The following CCDC170 variants were observed in gnomAD, a reference collection of about 807,000 sequenced individuals.
The protein encoded by CCDC170 is coiled-coil domain containing 170.
In CCDC170, 69 loss-of-function variants were observed where a neutral mutation model predicts 72.6. That is an observed-to-expected ratio of 0.95 (90% CI 0.78 to 1.16). The LOEUF (loss-of-function observed/expected upper bound fraction) is 1.16. Among genes scored for constraint, CCDC170 ranks in the 50% most tolerant of loss-of-function variants. The pLI is 0.00. For missense variants in CCDC170, 852 were observed against 832.5 expected (o/e 1.02, Z -0.29); for synonymous variants, 300 against 303.9 (o/e 0.99, Z 0.13).
chr6:151,514,377 A>AAAGGAGGGAGGGAGGG (rs1782202826), intron 1 of CCDC170, among the ~76,000 whole-genome samples: 1 of 104,074 alleles, frequency 9.6e-6, no homozygotes. Context: ...GGGAGGGAGG[A>AAAGGAGGGAGGGAGGG]AGGAAGGAAG....
chr6:151,531,123 T>C (rs6933202), intron 1 of CCDC170, among the ~76,000 whole-genome samples: 137,077 of 152,158 alleles, frequency 0.9, 61,924 homozygotes, highest in East Asian at 0.99. Context: ...GTGTTGTTCC[T>C]CCAATTCATA....
chr6:151,514,158 G>A (rs887887262), intron 1 of CCDC170, among the ~76,000 whole-genome samples: 1 of 151,414 alleles, frequency 6.6e-6, no homozygotes, highest in African/African-American at 2.4e-5. Context: ...AAAATTAGCT[G>A]GGCGTGGTGG....
At chr6:151,598,399 G>T (rs1776655850) in intron 9 of CCDC170, among the ~76,000 whole-genome samples, 1 of 152,158 alleles carries the variant, frequency 6.6e-6, no homozygotes, top group African/African-American at 2.4e-5. Context: ...TGAAACGCAA[G>T]CTGGAGAGCT....
At chr6:151,609,740 G>GGAA (rs1776840859) in intron 9 of CCDC170, among the ~76,000 whole-genome samples, 1 of 152,226 alleles carries the variant, frequency 6.6e-6, no homozygotes, top group Non-Finnish European at 1.5e-5. Flanking sequence ...TCAGGAATCT[G>GGAA]TTGCTGGGTT....
intron 4 of CCDC170, among the ~76,000 whole-genome samples, chr6:151,546,982 T>G (rs1782782271): frequency 7.4e-6 from 1 of 134,366 alleles, no homozygotes; most frequent in African/African-American, 2.9e-5. Flanking sequence ...CGTGAGCAGG[T>G]GCCTGTCTTA....
At chr6:151,552,380 G>T (rs554091156) in intron 5 of CCDC170, among the ~76,000 whole-genome samples, 5 of 152,182 alleles carry the variant, frequency 3.3e-5, no homozygotes, top group African/African-American at 1.2e-4. Context: ...TGTTCCCTCT[G>T]ACTTTACCTA....
chr6:151,575,001 G>A (rs553330735), intron 6 of CCDC170, among the ~76,000 whole-genome samples: 75 of 152,132 alleles, frequency 4.9e-4, no homozygotes, highest in Non-Finnish European at 9.1e-4. Context: ...TTTAATTCAC[G>A]TATATGATTG....
intron 1 of CCDC170, among the ~76,000 whole-genome samples, chr6:151,494,709 T>C (rs562266695): frequency 1.3e-5 from 2 of 152,210 alleles, no homozygotes; most frequent in East Asian, 3.9e-4. Context: ...GACTTTCAGG[T>C]ATTAGATGTA....
chr6:151,569,118 C>T (rs1260539070), intron 5 of CCDC170, among the ~76,000 whole-genome samples: 1 of 152,034 alleles, frequency 6.6e-6, no homozygotes, highest in Non-Finnish European at 1.5e-5. Context: ...GTAGAATTAA[C>T]CAACTGATTT....
intron 9 of CCDC170, among the ~76,000 whole-genome samples, chr6:151,597,843 A>G (rs1405694159): frequency 6.6e-6 from 1 of 152,218 alleles, no homozygotes; most frequent in Non-Finnish European, 1.5e-5. Context: ...GGACAATAAC[A>G]TCCTGGCTCT....
At chr6:151,542,284 A>G (rs192227383) in intron 3 of CCDC170, among the ~76,000 whole-genome samples, 162 of 152,224 alleles carry the variant, frequency 1.1e-3, no homozygotes, top group African/African-American at 3.8e-3. Flanking sequence ...GCAGTGGCAC[A>G]ATTATGGCTC....
chr6:151,561,675 A>T (rs956269757), intron 5 of CCDC170, among the ~76,000 whole-genome samples: 18 of 151,982 alleles, frequency 1.2e-4, no homozygotes, highest in African/African-American at 4.3e-4. Flanking sequence ...GGATAGTCTG[A>T]TAACTATATG....
rs905752602 is a variant in CCDC170 at position 151,598,450 on chromosome 6, A to G, written c.1710+1873A>G. ...TGGGGGTGTTCGGTTCAACTGAGGG[A>G]CAAAGTGACCCTCCATCAGAGGCCC... On this transcript the variant is annotated intron_variant, in intron 9 of 10. Coordinates refer to ENST00000239374, the MANE Select transcript of CCDC170 (RefSeq NM_025059.4). Among the ~76,000 whole-genome samples, 155 of 152,250 alleles carry G rather than the reference A, an allele frequency of 1.0e-3. 3 individuals carry two copies. The highest frequency in any genetic ancestry group is 0.01 in the Admixed American group (153 of 15,290).
At chr6:151,566,648 C>T (rs934817393) in intron 5 of CCDC170, among the ~76,000 whole-genome samples, 1 of 152,028 alleles carries the variant, frequency 6.6e-6, no homozygotes, top group Admixed American at 6.6e-5. Context: ...TAGAATTACC[C>T]AAATTGTACA....
chr6:151,599,732 A>G (rs569982536), intron 9 of CCDC170, among the ~76,000 whole-genome samples: 235 of 152,276 alleles, frequency 1.5e-3, no homozygotes, highest in Non-Finnish European at 3.0e-3. Flanking sequence ...TGACTGAAGG[A>G]GTGTCCACTA....
At chr6:151,584,192 G>A (rs1730265210) in intron 6 of CCDC170, among the ~76,000 whole-genome samples, 1 of 152,226 alleles carries the variant, frequency 6.6e-6, no homozygotes, top group Non-Finnish European at 1.5e-5. Context: ...GTGCAATAAA[G>A]TGAGATGTGC....
chr6:151,561,867 G>A (rs999352485), intron 5 of CCDC170, among the ~76,000 whole-genome samples: 1 of 151,974 alleles, frequency 6.6e-6, no homozygotes, highest in African/African-American at 2.4e-5. Flanking sequence ...TTGAAGATTT[G>A]TGAAGATTTG....
At chr6:151,584,967 C>A (rs1776432065) in intron 6 of CCDC170, among the ~76,000 whole-genome samples, 1 of 152,184 alleles carries the variant, frequency 6.6e-6, no homozygotes, top group Non-Finnish European at 1.5e-5. Context: ...TGTTTTCCCT[C>A]TTCTCTTCCA....
chr6:151,545,834 A>C (rs1368563311), intron 4 of CCDC170, among the ~76,000 whole-genome samples: 1 of 151,882 alleles, frequency 6.6e-6, no homozygotes, highest in Non-Finnish European at 1.5e-5. Flanking sequence ...AGGTCTTCCT[A>C]TGTTGTCCAG....
Sources: allele counts gnomAD v4.1 joint callset (sites outside exome capture counted in the v4.1 genomes callset), GRCh38; gene constraint gnomAD v4.1.1; transcripts MANE v1.5; gene names NCBI Gene and HGNC (gene_info 2026-07-23, HGNC 2026-07-21).